Variants in VIT observed in about 807,000 individuals in gnomAD.
VIT encodes vitrin.
In VIT, 99 loss-of-function variants were observed where a neutral mutation model predicts 78.0. The ratio of observed to expected loss-of-function variants is 1.27; its 90% confidence interval spans 1.08 to 1.50. VIT has a LOEUF of 1.50. VIT is among the 40% of genes most tolerant of loss of function. VIT has a pLI of 0.00. For missense variants in VIT, 1,126 were observed against 875.3 expected (o/e 1.29, Z -3.61); for synonymous variants, 374 against 334.3 (o/e 1.12, Z -1.29).
intron 12 of VIT, among the ~76,000 whole-genome samples, chr2:36,796,201 T>C (rs1665890301): frequency 2.0e-5 from 3 of 151,758 alleles, no homozygotes; most frequent in African/African-American, 7.3e-5. Context: ...TTCAGGAAAA[T>C]GGTAAACCCT....
At chr2:36,794,903 C>T (rs367968723) in intron 12 of VIT, among the ~76,000 whole-genome samples, 1 of 151,990 alleles carries the variant, frequency 6.6e-6, no homozygotes. Context: ...ATATGAGTAG[C>T]TCATCTGTAT....
chr2:36,805,873 C>T (rs1365079584), intron 14 of VIT, among the ~76,000 whole-genome samples: 1 of 152,186 alleles, frequency 6.6e-6, no homozygotes, highest in East Asian at 1.9e-4. Flanking sequence ...TGTGGAGGAG[C>T]AGTGTACTCG....
chr2:36,718,911 T>C (rs1169027487), intron 2 of VIT, among the ~76,000 whole-genome samples: 3 of 152,252 alleles, frequency 2.0e-5, no homozygotes, highest in African/African-American at 7.2e-5. Flanking sequence ...TTTGGGAGGC[T>C]ACCTCTCTTT....
chr2:36,767,408 G>A, intron 7 of VIT, 123 bp downstream of exon 7: 1 of 1,033,020 alleles, frequency 9.7e-7, no homozygotes, highest in South Asian at 2.9e-5. Context: ...AACTGGGCCG[G>A]GGGTATGTTA....
At chr2:36,752,554 A>C (rs930141782) in intron 4 of VIT, among the ~76,000 whole-genome samples, 14 of 152,196 alleles carry the variant, frequency 9.2e-5, no homozygotes, top group African/African-American at 3.4e-4. Flanking sequence ...CCTACATCTG[A>C]GTGATACAAA....
At chr2:36,800,506 G>A (rs577703736) in intron 12 of VIT, among the ~76,000 whole-genome samples, 1 of 152,156 alleles carries the variant, frequency 6.6e-6, no homozygotes, top group Non-Finnish European at 1.5e-5. Flanking sequence ...CTGGAGCATG[G>A]AGCCCTGTGT....
intron 12 of VIT, among the ~76,000 whole-genome samples, chr2:36,796,759 G>A (rs550012351): frequency 2.6e-4 from 40 of 152,070 alleles, no homozygotes; most frequent in Middle Eastern, 6.8e-3. Flanking sequence ...GAACCACCAT[G>A]CCTGGCCTGT....
chr2:36,805,263 C>A (rs1044428671), intron 13 of VIT, among the ~76,000 whole-genome samples, 175 bp from the exon 14 acceptor site: 1 of 145,822 alleles, frequency 6.9e-6, no homozygotes, highest in African/African-American at 2.5e-5. Flanking sequence ...GTGATCGAAC[C>A]ACTTCATTCC....
chr2:36,767,389 G>C, intron 7 of VIT, 104 bp downstream of exon 7: 1 of 1,218,372 alleles, frequency 8.2e-7, no homozygotes, highest in Non-Finnish European at 1.1e-6. Flanking sequence ...TGAATGGGGA[G>C]CACTGGAGAA....
chr2:36,780,638 G>A (rs1664683320), intron 9 of VIT, among the ~76,000 whole-genome samples: 1 of 152,192 alleles, frequency 6.6e-6, no homozygotes, highest in Non-Finnish European at 1.5e-5. Flanking sequence ...AAACCAGAAT[G>A]TGCAGTAACA....
chr2:36,797,529 G>A (rs1033673704), intron 12 of VIT, among the ~76,000 whole-genome samples: 1 of 152,228 alleles, frequency 6.6e-6, no homozygotes, highest in Non-Finnish European at 1.5e-5. Flanking sequence ...AAGGCAGATG[G>A]GGAGATGGGT....
chr2:36,707,658 C>A (rs372097636), intron 1 of VIT, among the ~76,000 whole-genome samples: 1 of 152,218 alleles, frequency 6.6e-6, no homozygotes, highest in Non-Finnish European at 1.5e-5. Context: ...TTTACCAAAT[C>A]GGGATTCTGT....
chr2:36,807,933 G>C (rs1286414850), intron 14 of VIT, among the ~76,000 whole-genome samples: 2 of 152,182 alleles, frequency 1.3e-5, no homozygotes, highest in African/African-American at 4.8e-5. Flanking sequence ...GGGATTTAAT[G>C]AGAGAATCAT....
intron 4 of VIT, among the ~76,000 whole-genome samples, chr2:36,751,306 G>A (rs1668446440): frequency 6.6e-6 from 1 of 152,200 alleles, no homozygotes; most frequent in African/African-American, 2.4e-5. Flanking sequence ...TGAGGCACAA[G>A]AATCGCTTAA....
At chr2:36,801,181 C>A in intron 12 of VIT, 120 bp from the exon 13 acceptor site, 2 of 887,414 alleles carry the variant, frequency 2.3e-6, no homozygotes, top group Admixed American at 1.9e-5. Flanking sequence ...TTTTACAAGG[C>A]ATAGCAGAAG....
intron 3 of VIT, among the ~76,000 whole-genome samples, chr2:36,738,883 A>C (rs976074892): frequency 9.8e-5 from 15 of 152,286 alleles, no homozygotes; most frequent in African/African-American, 3.6e-4. Context: ...GTGGTTTTTG[A>C]GCAAAGATTC....
At chr2:36,801,763 G>C (rs1441954408) in intron 13 of VIT, among the ~76,000 whole-genome samples, 1 of 147,276 alleles carries the variant, frequency 6.8e-6, no homozygotes, top group Non-Finnish European at 1.5e-5. Context: ...GTGGCAGAGC[G>C]AGACTCCATC....
intron 4 of VIT, among the ~76,000 whole-genome samples, chr2:36,753,801 G>A (rs1056771611): frequency 3.3e-5 from 5 of 152,200 alleles, no homozygotes; most frequent in African/African-American, 7.2e-5. Context: ...GAGCGAGTGA[G>A]GAGGAGTTGG....
At chr2:36,801,431 T>C in intron 13 of VIT, 27 bp downstream of exon 13, 1 of 1,544,806 alleles carries the variant, frequency 6.5e-7, no homozygotes, top group Non-Finnish European at 8.9e-7. Flanking sequence ...CAAATTATAC[T>C]ATCTTGCTAC....
Sources: gnomAD v4.1 joint callset for allele counts (sites outside exome capture counted in the v4.1 genomes callset) on GRCh38, gnomAD v4.1.1 for gene constraint, MANE v1.5 for transcripts, NCBI Gene and HGNC (gene_info 2026-07-23, HGNC 2026-07-21) for gene names.